RYR2: variants seen among roughly 807,000 people sequenced by gnomAD.
The protein encoded by RYR2 is ryanodine receptor 2.
In RYR2, 227 loss-of-function variants were observed where a neutral mutation model predicts 601.1. The ratio of observed to expected loss-of-function variants is 0.38; its 90% CI spans 0.34 to 0.42. The LOEUF is 0.42. Among genes scored for constraint, RYR2 ranks in the 10% least tolerant of loss-of-function variants. The pLI, the probability that RYR2 is intolerant of heterozygous loss-of-function variation, is 1.00. For synonymous variants in RYR2, 2,223 were observed against 2,175.1 expected (o/e 1.02, Z -0.61); for missense variants, 4,646 against 6,156.5 (o/e 0.75, Z 8.21).
chr1:237,144,430 G>A (rs773452225), intron 1 of RYR2, among the ~76,000 whole-genome samples: 9 of 152,130 alleles, frequency 5.9e-5, no homozygotes, highest in Middle Eastern at 3.2e-3. Context: ...TTAGACTGCC[G>A]TCTTCCAGTA....
At chr1:237,261,829 TC>T (rs978481191) in intron 1 of RYR2, among the ~76,000 whole-genome samples, 2 of 152,040 alleles carry the variant, frequency 1.3e-5, no homozygotes, top group African/African-American at 4.8e-5. Flanking sequence ...AACCTCAACT[TC>T]CCCCAGGCTA....
intron 55 of RYR2, 35 bp from the exon 56 acceptor site, chr1:237,660,775 A>G: frequency 6.6e-7 from 1 of 1,514,576 alleles, no homozygotes; most frequent in East Asian, 2.5e-5. Context: ...TTACATTCAT[A>G]ATATATCTGT....
Position 237,259,746 on chromosome 1 carries a change from C to T in RYR2, c.49-10751C>T, listed in dbSNP as rs1263074164. ...TCGTTCTCTTCTTTTGCCCTTTTCA[C>T]AGAACCGTAAAATGTGAGGACTGAA... On this transcript the variant is annotated intron_variant, in intron 1 of 104. Transcript: ENST00000366574. Among the ~76,000 whole-genome samples, 6 of 152,136 alleles carry T rather than the reference C, an allele frequency of 3.9e-5. No individual in the cohort carries two copies. The East Asian group carries it at 5.8e-4, about 15-fold the overall frequency.
At chr1:237,182,399 C>T (rs112941616) in intron 1 of RYR2, among the ~76,000 whole-genome samples, 7,101 of 152,086 alleles carry the variant, frequency 0.047, 540 homozygotes, top group African/African-American at 0.15. Context: ...GGATTACAGG[C>T]GTGAGCCACC....
chr1:237,683,202 G>A (rs1686047239), intron 62 of RYR2, among the ~76,000 whole-genome samples: 1 of 152,148 alleles, frequency 6.6e-6, no homozygotes, highest in Non-Finnish European at 1.5e-5. Flanking sequence ...CTATGATAAT[G>A]GTTTTAAGTG....
intron 4 of RYR2, among the ~76,000 whole-genome samples, chr1:237,362,090 C>T (rs1283063840): frequency 6.6e-6 from 1 of 152,154 alleles, no homozygotes; most frequent in Non-Finnish European, 1.5e-5. Flanking sequence ...GTGGCATGTG[C>T]CCCCAGGTTT....
At chr1:237,118,422 A>G (rs1670377509) in intron 1 of RYR2, among the ~76,000 whole-genome samples, 1 of 151,328 alleles carries the variant, frequency 6.6e-6, no homozygotes, top group Non-Finnish European at 1.5e-5. Context: ...TCCATACTAG[A>G]TTCTGTGCTT....
At position 237,456,595 on chromosome 1, in the gene RYR2, T is replaced by A; in HGVS notation, c.1477-5T>A. The A allele has an allele frequency of 6.7e-7, 1 of 1,502,218 alleles. No homozygotes were observed. Among genetic ancestry groups the A allele is most frequent in the Non-Finnish European group, 9.0e-7 (1 of 1,116,800 alleles). 93.1% of individuals were successfully genotyped at this position (1,502,218 alleles called of 1,614,324 possible). On this transcript the variant is annotated splice_region_variant and splice_polypyrimidine_tract_variant and intron_variant, in intron 15 of 104. Coordinates refer to ENST00000366574, the MANE Select transcript of RYR2 (RefSeq NM_001035.3). ...TTGTGATTTTTTTTTTTTTTAACGTTCCAGGGAATGATCAACCTCGTGCTT... is the reference window on the plus strand; with the variant it reads ...TTGTGATTTTTTTTTTTTTTAACGTACCAGGGAATGATCAACCTCGTGCTT...
chr1:237,131,106 G>C (rs1672120506), intron 1 of RYR2, among the ~76,000 whole-genome samples: 1 of 152,144 alleles, frequency 6.6e-6, no homozygotes. Context: ...TCTGCTGAAA[G>C]GGAAGGTGAA....
intron 51 of RYR2, 71 bp from the exon 52 acceptor site, chr1:237,654,203 T>C: frequency 6.5e-7 from 1 of 1,546,244 alleles, no homozygotes; most frequent in Non-Finnish European, 8.7e-7. Flanking sequence ...GAGTGTGATA[T>C]GAGGAGAAAT....
chr1:237,454,272 G>C (rs1055756765), intron 14 of RYR2, 119 bp from the exon 15 acceptor site: 6 of 1,011,716 alleles, frequency 5.9e-6, no homozygotes, highest in Non-Finnish European at 8.4e-6. Flanking sequence ...GGACCTTTCT[G>C]ACATGTCCCT....
At chr1:237,109,153 G>A (rs1163523337) in intron 1 of RYR2, among the ~76,000 whole-genome samples, 5 of 151,626 alleles carry the variant, frequency 3.3e-5, no homozygotes, top group South Asian at 2.1e-4. Context: ...ATACATAAAT[G>A]TGTATATATA....
rs1468972397 is a variant in RYR2 at position 237,042,336 on chromosome 1, G to T, written c.-186G>T. 2.7e-6 allele frequency: 1 copy of T among 373,348 alleles called. No individual in the cohort carries two copies. 23.1% of individuals were successfully genotyped at this position (373,348 alleles called of 1,614,324 possible). A position where few individuals can be genotyped will look rare whatever the true frequency, so the allele number is the denominator to read the frequency against. On this transcript the variant is annotated 5_prime_UTR_variant, in exon 1 of 105. Coordinates refer to ENST00000366574, the MANE Select transcript of RYR2 (RefSeq NM_001035.3). ...GAGGCCCCGCGCCTCGACCACCCGC[G>T]CCCGAGCGTCCGCGCCTCCTCCTCC...
intron 27 of RYR2, among the ~76,000 whole-genome samples, chr1:237,552,476 A>C (rs1670497931): frequency 6.6e-6 from 1 of 152,128 alleles, no homozygotes; most frequent in Admixed American, 6.5e-5. Context: ...TGTAGAAACA[A>C]AAGGAACCAC....
chr1:237,182,784 C>T (rs908669784), intron 1 of RYR2, among the ~76,000 whole-genome samples: 3 of 151,978 alleles, frequency 2.0e-5, no homozygotes, highest in Non-Finnish European at 2.9e-5. Context: ...ATTTGTGAAA[C>T]CCCCAGAGAA....
intron 14 of RYR2, among the ~76,000 whole-genome samples, chr1:237,452,480 AAT>A (rs551784099): frequency 1.3e-4 from 18 of 143,770 alleles, no homozygotes; most frequent in African/African-American, 4.5e-4. Context: ...AGTATATACT[AAT>A]ATATACTATA....
At chr1:237,544,353 G>C (rs1669588105) in intron 25 of RYR2, among the ~76,000 whole-genome samples, 1 of 152,164 alleles carries the variant, frequency 6.6e-6, no homozygotes, top group Non-Finnish European at 1.5e-5. Context: ...GATTCTGGCA[G>C]AAGTTTCTCA....
chr1:237,641,281 G>T (rs947244826), intron 47 of RYR2, among the ~76,000 whole-genome samples: 1 of 152,030 alleles, frequency 6.6e-6, no homozygotes, highest in African/African-American at 2.4e-5. Flanking sequence ...AAGAAGAAAA[G>T]AACATATTTT....
At chr1:237,538,833 A>G (rs1668954515) in intron 25 of RYR2, among the ~76,000 whole-genome samples, 1 of 152,202 alleles carries the variant, frequency 6.6e-6, no homozygotes, top group Non-Finnish European at 1.5e-5. Context: ...GAGCATGTTT[A>G]TGTAAATAGT....
Sources: allele counts gnomAD v4.1 joint callset (sites outside exome capture counted in the v4.1 genomes callset), GRCh38; gene constraint gnomAD v4.1.1; transcripts MANE v1.5; gene names NCBI Gene and HGNC (gene_info 2026-07-23, HGNC 2026-07-21).